The following LEMD3 variants were observed in gnomAD, a reference collection of about 807,000 sequenced individuals.
The protein encoded by LEMD3 is inner nuclear membrane protein Man1.
In LEMD3, 33 loss-of-function variants were observed where a neutral mutation model predicts 95.2. The ratio of observed to expected loss-of-function variants is 0.35; its 90% CI spans 0.26 to 0.46. The LOEUF (loss-of-function observed/expected upper bound fraction) is 0.46, where lower values mean the gene tolerates loss of function less well. LEMD3 is among the 20% of genes least tolerant of loss of function. The pLI is 1.00. For missense variants in LEMD3, 1,210 were observed against 1,192.8 expected, an observed-to-expected ratio of 1.01 and a Z score of -0.21; for synonymous variants, 525 against 474.6, an observed-to-expected ratio of 1.11 and a Z score of -1.38.
intron 2 of LEMD3, among the ~76,000 whole-genome samples, chr12:65,214,140 C>T (rs531926875): frequency 1.3e-5 from 2 of 152,224 alleles, no homozygotes; most frequent in African/African-American, 4.8e-5. Context: ...CCTCCGCTCA[C>T]TGCAACCTCC....
chr12:65,178,182 A>G (rs1335894864), intron 1 of LEMD3, among the ~76,000 whole-genome samples: 2 of 151,200 alleles, frequency 1.3e-5, no homozygotes, highest in East Asian at 1.9e-4. Context: ...GCTCCATGTT[A>G]TGTTTGAAGT....
Position 65,238,526 on chromosome 12 carries a change from A to G in LEMD3, c.1720A>G (p.Ile574Val), listed in dbSNP as rs374107839. The G allele has an allele frequency of 8.2e-5, 131 of 1,604,788 alleles. No homozygotes were observed. Among genetic ancestry groups the G allele is most frequent in the Non-Finnish European group, 7.1e-5 (83 of 1,171,684 alleles). ...LKDLGPEYEG[I>V]FNTSLQWILE... Reference sequence around the variant, plus strand: ...GGATTTAGGTCCTGAATATGAAGGTATATTTAACACTTCATTGCAGTGGAT... The same window carrying G: ...GGATTTAGGTCCTGAATATGAAGGTGTATTTAACACTTCATTGCAGTGGAT... Residue 574 changes from isoleucine (I) to valine (V), a missense_variant, in exon 5 of 13, where the codon ATA (isoleucine) becomes GTA (valine). Physicochemically the swap from Ile to Val is conservative, Grantham distance 29. This residue lies in a region of LEMD3 where 461 missense variants were observed against 569.8 expected (regional missense o/e 0.81). Coordinates refer to ENST00000308330, the MANE Select transcript of LEMD3 (RefSeq NM_014319.5).
intron 1 of LEMD3, among the ~76,000 whole-genome samples, chr12:65,193,954 A>G (rs1442631640): frequency 6.6e-6 from 1 of 152,192 alleles, no homozygotes; most frequent in Non-Finnish European, 1.5e-5. Context: ...AAAAGCAGGT[A>G]AAATAAAATG....
At chr12:65,184,462 CTG>C (rs762263815) in intron 1 of LEMD3, among the ~76,000 whole-genome samples, 2 of 152,142 alleles carry the variant, frequency 1.3e-5, no homozygotes, top group African/African-American at 4.8e-5. Flanking sequence ...GGATCGTGTT[CTG>C]TGGGAGTTGG....
rs1868499898 is a variant in LEMD3, at chr12:65,170,495, A to G, written c.899A>G (p.Lys300Arg). Reference sequence around the variant, plus strand: ...AAGCCTCTCCCCCCGCTGACTGCTAAATCGGCCGGCGGCAGGCTGGAGACT... The same window carrying G: ...AAGCCTCTCCCCCCGCTGACTGCTAGATCGGCCGGCGGCAGGCTGGAGACT... ...HSKPLPPLTA[K>R]SAGGRLETSV... The change falls in exon 1 of 13, where the codon AAA becomes AGA. Residue 300 changes from lysine to arginine, a missense_variant. By Grantham distance (26) the Lys-to-Arg change is conservative. This residue lies in a region of LEMD3 where 749 missense variants were observed against 622.9 expected (regional missense o/e 1.20). Transcript: ENST00000308330. 6.2e-7 allele frequency: 1 copy of G among 1,614,120 alleles called. No individual in the cohort carries two copies. The highest frequency in any genetic ancestry group is 1.3e-5 in the African/African-American group (1 of 75,044).
intron 1 of LEMD3, among the ~76,000 whole-genome samples, chr12:65,204,737 C>T (rs1162095367): frequency 6.6e-6 from 1 of 152,068 alleles, no homozygotes; most frequent in African/African-American, 2.4e-5. Flanking sequence ...CTTACACTCC[C>T]ACCAATAGTG....
intron 4 of LEMD3, among the ~76,000 whole-genome samples, chr12:65,229,417 C>CAT: frequency 6.6e-6 from 1 of 152,262 alleles, no homozygotes; most frequent in South Asian, 2.1e-4. Flanking sequence ...ATTGCTGGAT[C>CAT]ATATGGTGGT....
At chr12:65,243,300 T>C (rs1367293106) in intron 9 of LEMD3, 88 bp from the exon 10 acceptor site, 3 of 826,938 alleles carry the variant, frequency 3.6e-6, no homozygotes, top group Non-Finnish European at 6.4e-6. Flanking sequence ...AAGCATGCAG[T>C]GAATATTTTT....
At chr12:65,213,577 T>C (rs1041404323) in intron 2 of LEMD3, among the ~76,000 whole-genome samples, 2 of 152,206 alleles carry the variant, frequency 1.3e-5, no homozygotes, top group African/African-American at 2.4e-5. Flanking sequence ...ATAGTTGAGC[T>C]TTCTGAGTTC....
intron 4 of LEMD3, among the ~76,000 whole-genome samples, chr12:65,224,510 C>T (rs1290030514): frequency 1.3e-5 from 2 of 152,036 alleles, no homozygotes; most frequent in African/African-American, 4.8e-5. Context: ...CCCCCCTCCC[C>T]CCTACCACAC....
chr12:65,235,989 ATAG>A (rs1363129106), intron 4 of LEMD3, among the ~76,000 whole-genome samples: 1 of 152,206 alleles, frequency 6.6e-6, no homozygotes, highest in Non-Finnish European at 1.5e-5. Context: ...AAAAATCCTA[ATAG>A]TAGTTTCATG....
At chr12:65,218,456 A>G (rs1246441930) in intron 3 of LEMD3, 96 bp from the exon 4 acceptor site, 3 of 658,384 alleles carry the variant, frequency 4.6e-6, no homozygotes, top group South Asian at 1.9e-5. Context: ...ATAACCTGTA[A>G]TTGTATAATG....
chr12:65,223,666 T>A (rs913713900), intron 4 of LEMD3, among the ~76,000 whole-genome samples: 4 of 152,102 alleles, frequency 2.6e-5, no homozygotes, highest in African/African-American at 4.8e-5. Flanking sequence ...CTTTTTTTTT[T>A]AATTATTCAT....
At chr12:65,200,546 A>G (rs1869567992) in intron 1 of LEMD3, among the ~76,000 whole-genome samples, 1 of 152,170 alleles carries the variant, frequency 6.6e-6, no homozygotes, top group South Asian at 2.1e-4. Flanking sequence ...CCATTCTGAT[A>G]GGTATGTAAT....
intron 1 of LEMD3, among the ~76,000 whole-genome samples, chr12:65,204,808 A>G (rs984755440): frequency 3.4e-4 from 51 of 152,146 alleles, no homozygotes; most frequent in African/African-American, 1.2e-3. Flanking sequence ...CTTGTTGAAA[A>G]ACCTGTGGTT....
chr12:65,229,343 A>C (rs111762390), intron 4 of LEMD3, among the ~76,000 whole-genome samples: 41 of 152,328 alleles, frequency 2.7e-4, no homozygotes, highest in Admixed American at 2.6e-4. Context: ...GCAATAAATG[A>C]GAGTACAGAT....
Position 65,169,820 on chromosome 12 carries a change from C to A in LEMD3, c.224C>A (p.Thr75Lys), listed in dbSNP as rs777739111. The A allele has an allele frequency of 6.7e-7, 1 of 1,485,670 alleles. No homozygotes were observed. The highest frequency in any genetic ancestry group is 9.0e-7 in the Non-Finnish European group (1 of 1,116,016). The allele number at this position is 1,485,670 out of a possible 1,614,324, so 92.0% of individuals were successfully genotyped here. A position where few individuals can be genotyped will look rare whatever the true frequency, so the allele number is the denominator to read the frequency against. ...NSNNNNTAAA[T>K]VAAAGPAAAA... The stretch of plus-strand genomic sequence containing the variant: ...AATAACAATAACACGGCAGCCGCCA[C>A]GGTCGCAGCCGCGGGACCAGCGGCG... Residue 75 changes from threonine to lysine, a missense_variant, in exon 1 of 13, where the codon ACG becomes AAG. Coordinates refer to ENST00000308330, the MANE Select transcript of LEMD3 (RefSeq NM_014319.5).
intron 4 of LEMD3, among the ~76,000 whole-genome samples, chr12:65,224,238 A>T (rs993479429): frequency 6.6e-6 from 1 of 152,178 alleles, no homozygotes; most frequent in Non-Finnish European, 1.5e-5. Flanking sequence ...GCTAGGTAGC[A>T]TCCTTTCATT....
At chr12:65,230,876 G>C (rs1870604791) in intron 4 of LEMD3, among the ~76,000 whole-genome samples, 1 of 152,172 alleles carries the variant, frequency 6.6e-6, no homozygotes, top group African/African-American at 2.4e-5. Flanking sequence ...TCAGTATGCT[G>C]TTGGCTGTGG....
Sources: allele counts gnomAD v4.1 joint callset (sites outside exome capture counted in the v4.1 genomes callset), GRCh38; gene constraint gnomAD v4.1.1; regional missense constraint gnomAD v4.1.1; transcripts MANE v1.5; gene names NCBI Gene and HGNC (gene_info 2026-07-23, HGNC 2026-07-21).